CBFA2T2: variants seen among roughly 807,000 people sequenced by gnomAD.
CBFA2T2 encodes protein CBFA2T2.
Under a neutral mutation model 62.2 loss-of-function variants are expected in CBFA2T2, and 11 were observed. The observed-to-expected ratio is 0.18, with a 90% confidence interval of 0.11 to 0.29. The LOEUF (loss-of-function observed/expected upper bound fraction) is 0.29. Among genes scored for constraint, CBFA2T2 ranks in the 10% least tolerant of loss-of-function variants. The pLI, the probability that CBFA2T2 is intolerant of heterozygous loss-of-function variation, is 1.00. For synonymous variants in CBFA2T2, 295 were observed against 287.5 expected, an observed-to-expected ratio of 1.03 and a Z score of -0.27; for missense variants, 592 against 774.1, an observed-to-expected ratio of 0.76 and a Z score of 2.79.
chr20:33,519,183 A>T (rs564972338), intron 1 of CBFA2T2, among the ~76,000 whole-genome samples: 68 of 152,254 alleles, frequency 4.5e-4, no homozygotes, highest in African/African-American at 1.6e-3. Context: ...AAATATACAG[A>T]TTGTGGCTGG....
At chr20:33,529,397 C>T (rs2146868104) in intron 1 of CBFA2T2, among the ~76,000 whole-genome samples, 1 of 152,270 alleles carries the variant, frequency 6.6e-6, no homozygotes, top group East Asian at 1.9e-4. Flanking sequence ...CATCAAGCCT[C>T]TTTCAACTCT....
chr20:33,548,910 T>A (rs1282979867), intron 1 of CBFA2T2, among the ~76,000 whole-genome samples: 4 of 152,132 alleles, frequency 2.6e-5, no homozygotes, highest in African/African-American at 9.7e-5. Context: ...GAGCTATGAT[T>A]CCCTCCTTTG....
rs142971811 is a variant in CBFA2T2, at chr20:33,645,090, C to A, written c.*444C>A. 1.1e-4 allele frequency: 18 copies of A among 170,252 alleles called. No homozygotes were observed. Among genetic ancestry groups the A allele is most frequent in the Admixed American group, 2.4e-4 (4 of 16,954 alleles). 10.5% of individuals were successfully genotyped at this position (170,252 alleles called of 1,614,324 possible). On this transcript the variant is annotated 3_prime_UTR_variant, in exon 11 of 11. Coordinates refer to ENST00000342704, the MANE Select transcript of CBFA2T2 (RefSeq NM_001032999.3). ...CTGCCTCACCCCTGAATAGCTCCTTCGGCCCCATCTCCATCCTCAGCAGAT... is the reference window on the plus strand; with the variant it reads ...CTGCCTCACCCCTGAATAGCTCCTTAGGCCCCATCTCCATCCTCAGCAGAT...
At chr20:33,516,083 T>C (rs904623016) in intron 1 of CBFA2T2, among the ~76,000 whole-genome samples, 1 of 151,440 alleles carries the variant, frequency 6.6e-6, no homozygotes, top group Non-Finnish European at 1.5e-5. Flanking sequence ...TGGAGTGACC[T>C]GTGATCATGT....
At chr20:33,536,420 C>T (rs1329123698) in intron 1 of CBFA2T2, among the ~76,000 whole-genome samples, 6 of 146,352 alleles carry the variant, frequency 4.1e-5, no homozygotes, top group African/African-American at 1.0e-4. Context: ...GCTGGCCGGG[C>T]GGGGGGCTGA....
intron 1 of CBFA2T2, among the ~76,000 whole-genome samples, chr20:33,498,841 G>C (rs956126892): frequency 6.6e-6 from 1 of 151,580 alleles, no homozygotes; most frequent in Non-Finnish European, 1.5e-5. Flanking sequence ...TCAGGAGTTC[G>C]AGACCAGCCT....
chr20:33,636,822 C>A, intron 9 of CBFA2T2, 114 bp downstream of exon 9: 1 of 724,042 alleles, frequency 1.4e-6, no homozygotes, highest in Admixed American at 2.2e-5. Context: ...ATAACTTGCT[C>A]CTCATAGAGC....
In CBFA2T2 at chr20:33,629,870, T is replaced by G. The variant is rs777536440; in HGVS notation, c.1184T>G (p.Val395Gly). 3.1e-6 allele frequency: 5 copies of G among 1,613,992 alleles called. No homozygotes were observed. The highest frequency in any genetic ancestry group is 4.2e-6 in the Non-Finnish European group (5 of 1,179,980). ...TELRKTGTEL[V>G]SRQHSPGSAD... ...CTGAGGAAAACGGGGACCGAGTTGG[T>G]CTCCAGGCAGCACAGCCCTGGGAGT... The change falls in exon 8 of 11, where the codon GTC (valine) becomes GGC (glycine). Residue 395 changes from valine (V) to glycine (G), a missense_variant. By Grantham distance (109) the Val-to-Gly change is moderately radical (BLOSUM62 -3). This residue lies in a region of CBFA2T2 where 449 missense variants were observed against 551.2 expected (regional missense o/e 0.81). Coordinates refer to ENST00000342704, the MANE Select transcript of CBFA2T2 (RefSeq NM_001032999.3).
intron 1 of CBFA2T2, among the ~76,000 whole-genome samples, chr20:33,556,574 T>G (rs1233846539): frequency 6.6e-6 from 1 of 152,224 alleles, no homozygotes; most frequent in Non-Finnish European, 1.5e-5. Flanking sequence ...AGTCTCAGCA[T>G]CTAGTGGTGA....
At chr20:33,496,913 C>T (rs1370130241) in intron 1 of CBFA2T2, among the ~76,000 whole-genome samples, 4 of 152,158 alleles carry the variant, frequency 2.6e-5, no homozygotes, top group Non-Finnish European at 5.9e-5. Flanking sequence ...TATTTTCCTA[C>T]TCCCGTCTCA....
intron 1 of CBFA2T2, among the ~76,000 whole-genome samples, chr20:33,490,542 C>A (rs192764150): frequency 9.3e-4 from 141 of 152,242 alleles, no homozygotes; most frequent in Non-Finnish European, 1.5e-4. Flanking sequence ...TTGTGGGGCC[C>A]GCGGCCTCGG....
In CBFA2T2 at chr20:33,629,825, G is replaced by A. The variant is rs767847707; in HGVS notation, c.1139G>A (p.Arg380Gln). The A allele has an allele frequency of 1.3e-5, 21 of 1,613,838 alleles. No individual in the cohort carries two copies. The highest frequency in any genetic ancestry group is 2.7e-5 in the African/African-American group (2 of 74,870). The change falls in exon 8 of 11, where the codon CGG becomes CAG. Residue 380 changes from arginine (R) to glutamine (Q), a missense_variant. By Grantham distance (43) the Arg-to-Gln change is conservative (BLOSUM62 1). Coordinates refer to ENST00000342704, the MANE Select transcript of CBFA2T2 (RefSeq NM_001032999.3). ...GAAGAACTCAACTACTGGAAAAGAC[G>A]GTACAATGAAAACACAGAGCTGAGG... is the stretch of plus-strand genomic sequence containing the variant. Reference protein sequence around the residue: ...DREELNYWKRRYNENTELRKT... With the variant: ...DREELNYWKRQYNENTELRKT...
chr20:33,501,630 C>CTTTTTTTTTTTTTTTTTTTTTTTTT (rs869281966), intron 1 of CBFA2T2, among the ~76,000 whole-genome samples: 1 of 63,256 alleles, frequency 1.6e-5, no homozygotes, highest in African/African-American at 7.1e-5. Flanking sequence ...CTTAGCCTTC[C>CTTTTTTTTTTTTTTTTTTTTTTTTT]TTTTTTTTTT....
At chr20:33,591,981 G>A (rs1311618910) in intron 1 of CBFA2T2, among the ~76,000 whole-genome samples, 1 of 152,146 alleles carries the variant, frequency 6.6e-6, no homozygotes, top group Non-Finnish European at 1.5e-5. Context: ...CCAACATGTT[G>A]CTTCTGTTTT....
intron 1 of CBFA2T2, among the ~76,000 whole-genome samples, chr20:33,493,222 C>T (rs1030270712): frequency 5.9e-5 from 9 of 151,716 alleles, no homozygotes; most frequent in Admixed American, 1.3e-4. Context: ...ATTACAGGTG[C>T]GTGCCAACAC....
At chr20:33,570,871 A>G (rs1215203612) in intron 1 of CBFA2T2, among the ~76,000 whole-genome samples, 2 of 152,182 alleles carry the variant, frequency 1.3e-5, no homozygotes, top group Non-Finnish European at 2.9e-5. Flanking sequence ...GTTTTCTTGC[A>G]CTGTGAATGT....
chr20:33,500,387 C>A (rs1330697945), intron 1 of CBFA2T2, among the ~76,000 whole-genome samples: 2 of 151,992 alleles, frequency 1.3e-5, no homozygotes, highest in East Asian at 3.9e-4. Flanking sequence ...CTTCAACTTT[C>A]TTTCCCTAAC....
At chr20:33,496,537 TATATAA>T (rs2011200505) in intron 1 of CBFA2T2, among the ~76,000 whole-genome samples, 1 of 152,174 alleles carries the variant, frequency 6.6e-6, no homozygotes, top group Admixed American at 6.5e-5. Flanking sequence ...TCGAGAAAGG[TATATAA>T]TCATTGGACC....
chr20:33,499,080 T>TTTAA, intron 1 of CBFA2T2, among the ~76,000 whole-genome samples: 1 of 150,952 alleles, frequency 6.6e-6, no homozygotes, highest in East Asian at 1.9e-4. Context: ...AGAGATTGAG[T>TTTAA]TTAAGCTTGT....
Sources: allele counts gnomAD v4.1 joint callset (sites outside exome capture counted in the v4.1 genomes callset), GRCh38; gene constraint gnomAD v4.1.1; regional missense constraint gnomAD v4.1.1; transcripts MANE v1.5; gene names NCBI Gene and HGNC (gene_info 2026-07-23, HGNC 2026-07-21).